SPSB4: variants seen among roughly 807,000 people sequenced by gnomAD.
SPSB4 encodes SPRY domain-containing SOCS box protein 4.
SPSB4 carries 21 observed loss-of-function variants against 20.9 expected under a neutral mutation model. The observed-to-expected ratio is 1.01, with a 90% CI of 0.71 to 1.45. The LOEUF is 1.45. SPSB4 is among the 40% of genes most tolerant of loss of function. The pLI is 0.00. For synonymous variants in SPSB4, 207 were observed against 183.8 expected, an observed-to-expected ratio of 1.13 and a Z score of -1.02; for missense variants, 399 against 399.2, an observed-to-expected ratio of 1.00 and a Z score of 0.00.
At chr3:141,125,646 C>T (rs185832683) in intron 2 of SPSB4, among the ~76,000 whole-genome samples, 84 of 152,248 alleles carry the variant, frequency 5.5e-4, no homozygotes, top group Non-Finnish European at 8.8e-4. Flanking sequence ...GCCCAAGGTT[C>T]AGGGGGATGT....
chr3:141,125,316 C>G (rs1436520058), intron 2 of SPSB4, among the ~76,000 whole-genome samples: 1 of 152,222 alleles, frequency 6.6e-6, no homozygotes, highest in Non-Finnish European at 1.5e-5. Context: ...TTAGCTCCTT[C>G]TCTCCGTTTC....
At chr3:141,101,634 C>T (rs951506154) in intron 2 of SPSB4, among the ~76,000 whole-genome samples, 5 of 152,222 alleles carry the variant, frequency 3.3e-5, no homozygotes, top group African/African-American at 4.8e-5. Context: ...CTGCCCAGGA[C>T]GGTGCTGGCA....
chr3:141,082,625 A>G (rs1559844086), intron 2 of SPSB4, among the ~76,000 whole-genome samples: 1 of 141,082 alleles, frequency 7.1e-6, no homozygotes, highest in Non-Finnish European at 1.5e-5. Flanking sequence ...GGTGCTATCT[A>G]TCTATCTATC....
chr3:141,082,345 T>C (rs531539395), intron 2 of SPSB4, among the ~76,000 whole-genome samples: 1 of 152,314 alleles, frequency 6.6e-6, no homozygotes, highest in South Asian at 2.1e-4. Flanking sequence ...GGCCAGGCTC[T>C]CATCTGCATC....
At chr3:141,106,127 T>A (rs1938684152) in intron 2 of SPSB4, among the ~76,000 whole-genome samples, 1 of 152,158 alleles carries the variant, frequency 6.6e-6, no homozygotes, top group African/African-American at 2.4e-5. Context: ...ACTCCAGCCC[T>A]CTAGGTGGCA....
At chr3:141,085,059 G>A (rs770288561) in intron 2 of SPSB4, among the ~76,000 whole-genome samples, 15 of 152,312 alleles carry the variant, frequency 9.8e-5, no homozygotes, top group Admixed American at 2.0e-4. Context: ...TGCTTGAGCC[G>A]AGTCTTGGAG....
intron 2 of SPSB4, among the ~76,000 whole-genome samples, chr3:141,121,103 C>A (rs1938959882): frequency 6.6e-6 from 1 of 151,566 alleles, no homozygotes; most frequent in African/African-American, 2.4e-5. Flanking sequence ...TTAGGGCAGG[C>A]CTGGTGGTAA....
chr3:141,117,775 T>C (rs1478919908), intron 2 of SPSB4, among the ~76,000 whole-genome samples: 2 of 152,258 alleles, frequency 1.3e-5, no homozygotes, highest in Non-Finnish European at 2.9e-5. Context: ...GTCCTTGTGA[T>C]AGTTTGCTGA....
intron 1 of SPSB4, among the ~76,000 whole-genome samples, chr3:141,062,633 T>C (rs908697887): frequency 1.3e-5 from 2 of 152,218 alleles, no homozygotes; most frequent in African/African-American, 4.8e-5. Flanking sequence ...GATTTCTTTT[T>C]TGATCTGAGT....
chr3:141,108,003 T>C (rs921262321), intron 2 of SPSB4, among the ~76,000 whole-genome samples: 4 of 152,086 alleles, frequency 2.6e-5, no homozygotes, highest in Non-Finnish European at 5.9e-5. Flanking sequence ...GGTGGCCTCT[T>C]TCGCTGTTCT....
rs112389808 is a variant in SPSB4, at chr3:141,071,866, C to T, written c.694+5068C>T. Among the ~76,000 whole-genome samples the T allele has an allele frequency of 4.3e-3, 652 of 152,352 alleles. 3 individuals are homozygous for T. The highest frequency in any genetic ancestry group is 5.8e-3 in the Non-Finnish European group (397 of 68,030). On this transcript the variant is annotated intron_variant, in intron 2 of 2. Transcript: ENST00000310546. ...ATCTGCCAACAAGTATTTATTGGCT[C>T]AATGGCTGAGCAGAGGAGGCTGGCA...
intron 2 of SPSB4, chr3:141,115,223 T>G (rs1299355719): frequency 6.6e-6 from 1 of 152,216 alleles, no homozygotes; most frequent in Non-Finnish European, 1.5e-5. Flanking sequence ...TGGATCCAAC[T>G]GCGTTTGGGC....
At position 141,148,412 on chromosome 3, in the gene SPSB4, G is replaced by A. The variant is rs561400953; in HGVS notation, c.*1143G>A. 267 of 153,418 alleles carry A rather than the reference G, an allele frequency of 1.7e-3. 2 individuals are homozygous for A. Among genetic ancestry groups the A allele is most frequent in the Non-Finnish European group, 2.9e-3 (196 of 68,566 alleles). 9.5% of individuals were successfully genotyped at this position (153,418 alleles called of 1,614,324 possible). On this transcript the variant is annotated 3_prime_UTR_variant, in exon 3 of 3. Coordinates refer to ENST00000310546, the MANE Select transcript of SPSB4 (RefSeq NM_080862.3). The surrounding 1 kb of genome is among the most constrained non-coding windows in gnomAD (Gnocchi z 4.5). ...CAGGAATGCTGCTGCTGCCTCCGCC[G>A]CCACTGCTGCTGCCACCTCTTATAT...
intron 1 of SPSB4, among the ~76,000 whole-genome samples, chr3:141,063,282 T>C (rs1937800130): frequency 6.6e-6 from 1 of 152,240 alleles, no homozygotes; most frequent in Non-Finnish European, 1.5e-5. Context: ...ATATGTAGCA[T>C]ATGGTTGGGG....
At chr3:141,105,985 A>G (rs539943911) in intron 2 of SPSB4, among the ~76,000 whole-genome samples, 75 of 152,352 alleles carry the variant, frequency 4.9e-4, no homozygotes, top group African/African-American at 1.8e-3. Flanking sequence ...CAGATTTTGC[A>G]TAACGGGATG....
chr3:141,114,423 G>A (rs1425302085), intron 2 of SPSB4, among the ~76,000 whole-genome samples: 1 of 152,220 alleles, frequency 6.6e-6, no homozygotes, highest in Non-Finnish European at 1.5e-5. Flanking sequence ...CGGTGAATGC[G>A]CAGGTGCCTG....
At chr3:141,131,818 T>C (rs1939135540) in intron 2 of SPSB4, among the ~76,000 whole-genome samples, 1 of 152,248 alleles carries the variant, frequency 6.6e-6, no homozygotes, top group African/African-American at 2.4e-5. Context: ...TTGGTGAACA[T>C]GTATATGCTT....
chr3:141,137,698 G>A (rs1157345069), intron 2 of SPSB4, among the ~76,000 whole-genome samples: 2 of 152,160 alleles, frequency 1.3e-5, no homozygotes, highest in Admixed American at 1.3e-4. Context: ...CTTGATCATG[G>A]TGGATAAGCT....
At chr3:141,065,323 C>T (rs1937843094) in intron 1 of SPSB4, among the ~76,000 whole-genome samples, 1 of 152,184 alleles carries the variant, frequency 6.6e-6, no homozygotes, top group Non-Finnish European at 1.5e-5. Flanking sequence ...GACCCTGCTG[C>T]ACCTTGTTCT....
Sources: gnomAD v4.1 joint callset for allele counts (sites outside exome capture counted in the v4.1 genomes callset) on GRCh38, gnomAD v4.1.1 for gene constraint, Gnocchi (gnomAD v3.1) non-coding constraint, MANE v1.5 for transcripts, NCBI Gene and HGNC (gene_info 2026-07-23, HGNC 2026-07-21) for gene names.